Variants in SAMD13 observed in about 807,000 individuals in gnomAD.
SAMD13 encodes sterile alpha motif domain containing 13.
A neutral mutation model predicts 12.4 loss-of-function variants in SAMD13; 9 were observed. The observed-to-expected ratio is 0.72, with a 90% CI of 0.44 to 1.26. SAMD13 has a LOEUF of 1.26. Among genes scored for constraint, SAMD13 ranks in the 50% most tolerant of loss-of-function variants. The pLI is 0.00. For missense variants in SAMD13, 84 were observed against 119.6 expected (o/e 0.70, Z 1.39); for synonymous variants, 46 against 45.4 (o/e 1.01, Z -0.05).
At chr1:84,349,223 G>A (rs1488398525) in intron 3 of SAMD13, among the ~76,000 whole-genome samples, 1 of 152,154 alleles carries the variant, frequency 6.6e-6, no homozygotes, top group Non-Finnish European at 1.5e-5. Context: ...GATCATCTCT[G>A]CCTGTTCTAA....
intron 1 of SAMD13, among the ~76,000 whole-genome samples, chr1:84,302,240 A>C (rs1342031185): frequency 6.6e-6 from 1 of 152,092 alleles, no homozygotes; most frequent in Non-Finnish European, 1.5e-5. Flanking sequence ...TAATCCCTAG[A>C]GAAGGAGTGC....
In SAMD13 at chr1:84,350,552, A is replaced by C. The variant is rs939775902; in HGVS notation, c.*778A>C. 1 of 152,610 alleles carries C rather than the reference A, an allele frequency of 6.6e-6. No individual in the cohort carries two copies. Among genetic ancestry groups the C allele is most frequent in the African/African-American group, 2.4e-5 (1 of 41,438 alleles). The allele number at this position is 152,610 out of a possible 1,614,324, so 9.5% of individuals were successfully genotyped here. On this transcript the variant is annotated 3_prime_UTR_variant, in exon 4 of 4. Transcript: ENST00000394834. ...AATTTGTTTCTGAAGAAATTTGCCG[A>C]GAGTTACAGGTCAAAAAGCCTTGTT...
upstream of SAMD13, chr1:84,299,548 G>T: frequency 7.0e-7 from 1 of 1,422,860 alleles, no homozygotes. Flanking sequence ...ACACCACATA[G>T]TGCACACATC....
At chr1:84,302,980 A>C in intron 1 of SAMD13, 1 of 397,548 alleles carries the variant, frequency 2.5e-6, no homozygotes, top group Admixed American at 3.6e-5. Context: ...GCTTATTGTC[A>C]AGGCAGGGAG....
At chr1:84,309,865 C>T (rs1183449614) in intron 2 of SAMD13, among the ~76,000 whole-genome samples, 3 of 152,046 alleles carry the variant, frequency 2.0e-5, no homozygotes, top group Non-Finnish European at 4.4e-5. Context: ...TAATGACGTA[C>T]CCATTCACTT....
intron 3 of SAMD13, among the ~76,000 whole-genome samples, chr1:84,349,272 T>A (rs1679598924): frequency 6.6e-6 from 1 of 152,206 alleles, no homozygotes; most frequent in African/African-American, 2.4e-5. Context: ...CATGGAAAAT[T>A]CTGCATAAAC....
chr1:84,339,985 G>C (rs1266064308), intron 3 of SAMD13, among the ~76,000 whole-genome samples: 1 of 152,236 alleles, frequency 6.6e-6, no homozygotes, highest in Non-Finnish European at 1.5e-5. Context: ...TTTGTACATT[G>C]CTGGTAGAAC....
chr1:84,301,269 A>G (rs1470686808), upstream of SAMD13, among the ~76,000 whole-genome samples: 2 of 152,210 alleles, frequency 1.3e-5, no homozygotes, highest in Non-Finnish European at 2.9e-5. Context: ...TAGGAAAAAA[A>G]GAGTAACATG....
At chr1:84,346,735 G>A (rs954972039) in intron 3 of SAMD13, among the ~76,000 whole-genome samples, 1 of 152,154 alleles carries the variant, frequency 6.6e-6, no homozygotes. Flanking sequence ...TCCCATGGAC[G>A]TTATGTATCA....
rs577943979 is a variant in SAMD13 at position 84,326,970 on chromosome 1, G to T, written c.165+1222G>T. Among the ~76,000 whole-genome samples, 4 of 152,264 alleles carry T rather than the reference G, an allele frequency of 2.6e-5. No individual in the cohort carries two copies. The South Asian group carries it at 6.2e-4, about 24-fold the overall frequency. ...TACCAGAAGAGCTAAAATGAGAAAG[G>T]TTGATAATATTAAACATTCACGAGG... On this transcript the variant is annotated intron_variant, in intron 3 of 3. Transcript: ENST00000394834.
In SAMD13 at chr1:84,303,189, C is replaced by T. The variant is rs1678488715; in HGVS notation, c.-32-14C>T. 10 of 1,591,168 alleles carry T rather than the reference C, an allele frequency of 6.3e-6. No homozygotes were observed. Among genetic ancestry groups the T allele is most frequent in the Middle Eastern group, 1.7e-4 (1 of 6,002 alleles). ...CTAAGAATTAAACACAAGCTTTTCT[C>T]CCTTATTGATTAGTTGCTGAAGTAA... On this transcript the variant is annotated splice_polypyrimidine_tract_variant and intron_variant, in intron 1 of 3. Coordinates refer to ENST00000394834, the MANE Select transcript of SAMD13 (RefSeq NM_001134663.2).
intron 3 of SAMD13, among the ~76,000 whole-genome samples, chr1:84,343,885 T>C (rs941607956): frequency 6.6e-6 from 1 of 152,132 alleles, no homozygotes; most frequent in African/African-American, 2.4e-5. Context: ...AAAAAATTTT[T>C]AATCAGCTGA....
chr1:84,330,202 C>G (rs140695134), intron 3 of SAMD13, among the ~76,000 whole-genome samples: 2 of 152,252 alleles, frequency 1.3e-5, no homozygotes, highest in Non-Finnish European at 2.9e-5. Flanking sequence ...ACTCAGATTT[C>G]TATAAAGTTA....
intron 3 of SAMD13, among the ~76,000 whole-genome samples, chr1:84,346,094 C>G (rs1222998664): frequency 6.6e-6 from 1 of 152,128 alleles, no homozygotes; most frequent in Non-Finnish European, 1.5e-5. Context: ...ATAATACTTG[C>G]AGCAGTGAAA....
chr1:84,333,441 A>T (rs1445672428), intron 3 of SAMD13, among the ~76,000 whole-genome samples: 1 of 152,100 alleles, frequency 6.6e-6, no homozygotes, highest in Non-Finnish European at 1.5e-5. Context: ...GGTTAGCTGT[A>T]TCTCTAGGTA....
Position 84,311,975 on chromosome 1 carries a change from T to G in SAMD13, c.53+8688T>G, listed in dbSNP as rs921074233. 7.9e-5 allele frequency among the ~76,000 whole-genome samples: 12 copies of G among 152,228 alleles called. 1 individual carries two copies. Among genetic ancestry groups the G allele is most frequent in the Admixed American group, 4.6e-4 (7 of 15,284 alleles). ...AATAAAGTTTTAATGGCTTTTACAT[T>G]TTGAATCAGTTGGTCTTAGGTTTTG... On this transcript the variant is annotated intron_variant, in intron 2 of 3. Coordinates refer to ENST00000394834, the MANE Select transcript of SAMD13 (RefSeq NM_001134663.2).
chr1:84,332,779 C>A (rs755742791), intron 3 of SAMD13, among the ~76,000 whole-genome samples: 21 of 151,976 alleles, frequency 1.4e-4, no homozygotes, highest in African/African-American at 1.9e-4. Context: ...TTGCTTTTGG[C>A]GTCTTTATCA....
upstream of SAMD13, chr1:84,299,712 T>G (rs1478624559): frequency 2.5e-6 from 2 of 810,444 alleles, no homozygotes; most frequent in Non-Finnish European, 3.2e-6. Flanking sequence ...CAAGTGTCAG[T>G]TTACTACCAA....
intron 2 of SAMD13, among the ~76,000 whole-genome samples, chr1:84,313,403 T>G (rs1320863473): frequency 6.6e-6 from 1 of 152,200 alleles, no homozygotes; most frequent in Admixed American, 6.6e-5. Flanking sequence ...GTTAGAATTT[T>G]GACTAAATTT....
Sources: allele counts gnomAD v4.1 joint callset (sites outside exome capture counted in the v4.1 genomes callset), GRCh38; gene constraint gnomAD v4.1.1; transcripts MANE v1.5; gene names NCBI Gene and HGNC (gene_info 2026-07-23, HGNC 2026-07-21).